The following COPS2 variants were observed in gnomAD, a reference collection of about 807,000 sequenced individuals.
COPS2 encodes COP9 signalosome complex subunit 2.
In COPS2, 10 loss-of-function variants were observed where a neutral mutation model predicts 66.1. That is an observed-to-expected ratio of 0.15 (90% CI 0.09 to 0.26). COPS2 has a LOEUF of 0.26. Ranked by LOEUF, COPS2 falls within the 10% of genes least tolerant of loss-of-function variation. The probability of loss-of-function intolerance (pLI) is 1.00; values close to 1 mark genes in which losing one functional copy is unlikely to be tolerated. For synonymous variants in COPS2, 179 were observed against 171.3 expected (o/e 1.04, Z -0.35); for missense variants, 215 against 513.3 (o/e 0.42, Z 5.62).
At chr15:49,142,547 A>T (rs1232496211) in intron 3 of COPS2, among the ~76,000 whole-genome samples, 1 of 152,228 alleles carries the variant, frequency 6.6e-6, no homozygotes, top group South Asian at 2.1e-4. Flanking sequence ...AAGTGGTAAC[A>T]TATCAGCTAT....
At chr15:49,137,606 A>C (rs1374862798) in intron 4 of COPS2, 169 bp from the exon 5 acceptor site, 3 of 568,128 alleles carry the variant, frequency 5.3e-6, no homozygotes, top group Non-Finnish European at 9.3e-6. Context: ...CTGAAGCAAA[A>C]TACAGACCAA....
At position 49,127,937 on chromosome 15, in the gene COPS2, A is replaced by G. The variant is rs1253925460; in HGVS notation, c.*13T>C. Reference sequence around the variant, plus strand: ...CTGTTGCCTTAAGGACGTCTGTAAAAGCTTGTTCTCTGTTAAGCCAGTTTA... The same window carrying G: ...CTGTTGCCTTAAGGACGTCTGTAAAGGCTTGTTCTCTGTTAAGCCAGTTTA... On this transcript the variant is annotated 3_prime_UTR_variant, in exon 13 of 13. Transcript: ENST00000388901. 2.5e-6 allele frequency: 4 copies of G among 1,613,178 alleles called. No individual in the cohort carries two copies. The East Asian group carries it at 8.9e-5, about 36-fold the overall frequency.
chr15:49,137,328 G>GTT lies in COPS2; in HGVS notation c.462+19_462+20insAA, dbSNP rs749223828. On this transcript the variant is annotated intron_variant, in intron 5 of 12. Coordinates refer to ENST00000388901, the MANE Select transcript of COPS2 (RefSeq NM_004236.4). ...CCCACCCACTTTTCAAAAGAAAAGT[G>GTT]TAAGTATTATAACGGTTACCTTTGT... The GTT allele has an allele frequency of 3.8e-6, 6 of 1,570,194 alleles. No individual in the cohort carries two copies. Among genetic ancestry groups the GTT allele is most frequent in the Non-Finnish European group, 8.7e-7 (1 of 1,144,234 alleles).
intron 4 of COPS2, among the ~76,000 whole-genome samples, chr15:49,138,546 T>C (rs2084269233): frequency 6.6e-6 from 1 of 152,224 alleles, no homozygotes; most frequent in Non-Finnish European, 1.5e-5. Context: ...GACACTTGTT[T>C]TTAAGAGTTG....
In COPS2 at chr15:49,127,649, A is replaced by G. The variant is rs921569481; in HGVS notation, c.*301T>C. On this transcript the variant is annotated 3_prime_UTR_variant, in exon 13 of 13. Coordinates refer to ENST00000388901, the MANE Select transcript of COPS2 (RefSeq NM_004236.4). ...TGTCAGTGTATTTAAAATCATGACA[A>G]AAATCTTCTCTCTGGTCATGTTGCC... 8.1e-6 allele frequency: 2 copies of G among 245,684 alleles called. No individual in the cohort carries two copies. Among genetic ancestry groups the G allele is most frequent in the African/African-American group, 4.5e-5 (2 of 44,726 alleles). The allele number at this position is 245,684 out of a possible 1,614,324, so 15.2% of individuals were successfully genotyped here.
chr15:49,137,899 C>T (rs2084265095), intron 4 of COPS2: 1 of 157,370 alleles, frequency 6.4e-6, no homozygotes, highest in Non-Finnish European at 1.4e-5. Context: ...ATGAAATGTA[C>T]ATAGAACTAG....
rs1200833903 is a variant in COPS2 at position 49,126,675 on chromosome 15, G to T, written c.*1275C>A. 1.3e-5 allele frequency: 2 copies of T among 151,956 alleles called. No individual in the cohort carries two copies. Among genetic ancestry groups the T allele is most frequent in the East Asian group, 3.8e-4 (2 of 5,196 alleles). 9.4% of individuals were successfully genotyped at this position (151,956 alleles called of 1,614,324 possible). ...GAGTTCCTTTAAGGTAGTTACCTTG[G>T]AAGGCCACAGTTCATTCTCCTAAGT... On this transcript the variant is annotated 3_prime_UTR_variant, in exon 13 of 13. Coordinates refer to ENST00000388901, the MANE Select transcript of COPS2 (RefSeq NM_004236.4).
intron 1 of COPS2, among the ~76,000 whole-genome samples, chr15:49,151,054 G>A (rs572484479): frequency 6.6e-6 from 1 of 152,166 alleles, no homozygotes; most frequent in East Asian, 1.9e-4. Flanking sequence ...TAACCAAGTG[G>A]AATTATTCTA....
chr15:49,135,684 A>G (rs1051141115), intron 6 of COPS2, among the ~76,000 whole-genome samples: 1 of 152,204 alleles, frequency 6.6e-6, no homozygotes, highest in Non-Finnish European at 1.5e-5. Context: ...GACATACACT[A>G]AGCCAAAATT....
At chr15:49,130,864 G>A (rs1408199278) in intron 9 of COPS2, 48 bp from the exon 10 acceptor site, 4 of 1,021,600 alleles carry the variant, frequency 3.9e-6, no homozygotes, top group African/African-American at 1.6e-5. Flanking sequence ...AAGAAGTTAT[G>A]TATTAAATCA....
chr15:49,139,543 G>C lies in COPS2; in HGVS notation c.357C>G (p.Ile119Met). 3 of 1,596,670 alleles carry C rather than the reference G, an allele frequency of 1.9e-6. No individual in the cohort carries two copies. Among genetic ancestry groups the C allele is most frequent in the Non-Finnish European group, 2.6e-6 (3 of 1,165,596 alleles). ...TGAGTCTAACCTGTTTAGAAGTAGA[G>C]ATATAATCAAGAATAGAATTAATGG... is the stretch of plus-strand genomic sequence containing the variant. ...EKSINSILDY[I>M]STSKQMDLLQ... Residue 119 changes from isoleucine (I) to methionine (M), a missense_variant, in exon 4 of 13, where the codon ATC (isoleucine) becomes ATG (methionine). Ile to Met is a conservative substitution (Grantham distance 10, BLOSUM62 1). Around this residue, in one of 5 missense-constraint regions of COPS2, gnomAD observed 90 missense variants for 225.1 expected, o/e 0.40. Coordinates refer to ENST00000388901, the MANE Select transcript of COPS2 (RefSeq NM_004236.4).
At chr15:49,152,858 C>A (rs544195997) in intron 1 of COPS2, among the ~76,000 whole-genome samples, 44 of 152,222 alleles carry the variant, frequency 2.9e-4, no homozygotes, top group African/African-American at 9.1e-4. Flanking sequence ...TATTCAACTT[C>A]ATTTTACTGC....
At chr15:49,138,839 C>T (rs79820441) in intron 4 of COPS2, among the ~76,000 whole-genome samples, 10,323 of 152,104 alleles carry the variant, frequency 0.068, 734 homozygotes, top group African/African-American at 0.17. Context: ...ATATCTTGTA[C>T]TCAAGTATCA....
At chr15:49,144,686 A>G (rs956879584) in intron 2 of COPS2, among the ~76,000 whole-genome samples, 2 of 152,212 alleles carry the variant, frequency 1.3e-5, no homozygotes, top group African/African-American at 2.4e-5. Context: ...TAAAAGAAAC[A>G]AGATTGCAGT....
At chr15:49,151,274 C>T (rs563007256) in intron 1 of COPS2, among the ~76,000 whole-genome samples, 42 of 151,948 alleles carry the variant, frequency 2.8e-4, no homozygotes, top group African/African-American at 9.9e-4. Flanking sequence ...GTGGTGGGTG[C>T]CTGTGGTCCC....
chr15:49,144,745 C>T (rs2084310205), intron 2 of COPS2, among the ~76,000 whole-genome samples: 1 of 152,124 alleles, frequency 6.6e-6, no homozygotes, highest in Non-Finnish European at 1.5e-5. Context: ...CCAGAACCAT[C>T]CTAGTTTTTC....
chr15:49,138,967 T>C (rs2084272110), intron 4 of COPS2, among the ~76,000 whole-genome samples: 1 of 152,194 alleles, frequency 6.6e-6, no homozygotes, highest in East Asian at 1.9e-4. Context: ...ATTGGTTTTC[T>C]TAATAACCAA....
chr15:49,136,484 A>G (rs1407459255), intron 6 of COPS2, among the ~76,000 whole-genome samples: 1 of 152,184 alleles, frequency 6.6e-6, no homozygotes, highest in Non-Finnish European at 1.5e-5. Flanking sequence ...CATATTTGAT[A>G]ACAGATATAG....
rs2084181268 is a variant in COPS2, at chr15:49,128,005, T to C, written c.1277A>G (p.Lys426Arg). The C allele has an allele frequency of 1.2e-6, 2 of 1,613,906 alleles. No homozygotes were observed. Among genetic ancestry groups the C allele is most frequent in the Admixed American group, 3.3e-5 (2 of 59,992 alleles). The part of the protein sequence containing the change: ...RGGARYTALD[K>R]WTNQLNSLNQ... ...GAGAGAATTTAGTTGGTTGGTCCAT[T>C]TATCTAGTGCAGTATATCGTGCACC... is the stretch of plus-strand genomic sequence containing the variant. Residue 426 changes from lysine to arginine, a missense_variant, in exon 13 of 13, where the codon AAA becomes AGA. Transcript: ENST00000388901.
Sources: gnomAD v4.1 joint callset for allele counts (sites outside exome capture counted in the v4.1 genomes callset) on GRCh38, gnomAD v4.1.1 for gene constraint, gnomAD v4.1.1 regional missense constraint, MANE v1.5 for transcripts, NCBI Gene and HGNC (gene_info 2026-07-23, HGNC 2026-07-21) for gene names.